The following CAPN14 variants were observed in gnomAD, a reference collection of about 807,000 sequenced individuals.
CAPN14 encodes the protein calpain-14.
CAPN14 carries 94 observed loss-of-function variants against 101.3 expected under a neutral mutation model. The ratio of observed to expected loss-of-function variants is 0.93; its 90% CI spans 0.79 to 1.10. The LOEUF (loss-of-function observed/expected upper bound fraction) is 1.10. Ranked by LOEUF, CAPN14 falls within the 50% of genes least tolerant of loss-of-function variation. The pLI is 0.00. For missense variants in CAPN14, 837 were observed against 828.4 expected (o/e 1.01, Z -0.13); for synonymous variants, 338 against 317.9 (o/e 1.06, Z -0.67).
At chr2:31,198,823 C>T (rs1681599873) in intron 7 of CAPN14, among the ~76,000 whole-genome samples, 1 of 152,174 alleles carries the variant, frequency 6.6e-6, no homozygotes, top group Admixed American at 6.5e-5. Context: ...GCCCTTCTCG[C>T]CCCGTGCAAA....
chr2:31,204,935 G>C (rs1193314972), intron 2 of CAPN14, among the ~76,000 whole-genome samples: 1 of 152,122 alleles, frequency 6.6e-6, no homozygotes, highest in African/African-American at 2.4e-5. Context: ...CTGAAGTAGG[G>C]GCAGTTTTGT....
rs1463551720 is a variant in CAPN14 at position 31,230,605 on chromosome 2, C to G, written c.-177+3186G>C. 1.3e-5 allele frequency among the ~76,000 whole-genome samples: 2 copies of G among 152,168 alleles called. No individual in the cohort carries two copies. The highest frequency in any genetic ancestry group is 4.8e-5 in the African/African-American group (2 of 41,438). On this transcript the variant is annotated intron_variant and NMD_transcript_variant, in intron 1 of 21. Transcript: ENST00000398824. This position sits in a 1 kb window ranked among gnomAD's most constrained non-coding sequence, Gnocchi z 4.3. ...CATTTCTCTAATTACTAATGAGATG[C>G]AACATGTTTTCTTGCGTTTATAGGG...
intron 1 of CAPN14, among the ~76,000 whole-genome samples, chr2:31,207,899 TG>T (rs1682186737): frequency 6.6e-6 from 1 of 152,176 alleles, no homozygotes; most frequent in Non-Finnish European, 1.5e-5. Flanking sequence ...GTTGGTGGAG[TG>T]GCCCCACTGT....
chr2:31,206,629 A>T (rs1039376915), intron 1 of CAPN14, among the ~76,000 whole-genome samples: 2 of 152,150 alleles, frequency 1.3e-5, no homozygotes, highest in African/African-American at 4.8e-5. Context: ...AAAATCACAC[A>T]CACACATATT....
chr2:31,191,585 C>A (rs572238466), intron 11 of CAPN14, among the ~76,000 whole-genome samples, 178 bp from the exon 12 acceptor site: 1 of 152,272 alleles, frequency 6.6e-6, no homozygotes, highest in African/African-American at 2.4e-5. Flanking sequence ...ACATTTTAAT[C>A]TATCATTGGA....
At chr2:31,186,084 C>T (rs535831024) in intron 16 of CAPN14, among the ~76,000 whole-genome samples, 46 of 152,200 alleles carry the variant, frequency 3.0e-4, no homozygotes, top group Non-Finnish European at 5.6e-4. Context: ...ATATTCATAT[C>T]CCAGGTTGAG....
At chr2:31,199,153 G>A (rs941479249) in intron 7 of CAPN14, among the ~76,000 whole-genome samples, 1 of 152,146 alleles carries the variant, frequency 6.6e-6, no homozygotes, top group Non-Finnish European at 1.5e-5. Context: ...AATTTGGGAG[G>A]GAAGAACCAG....
Position 31,205,346 on chromosome 2 carries a change from C to T in CAPN14, c.102G>A (p.Leu34=). Residue 34 remains leucine, a synonymous_variant, in exon 2 of 22, where the codon CTG becomes CTA. Coordinates refer to ENST00000403897, the MANE Select transcript of CAPN14 (RefSeq NM_001145122.2). ...QQPQQDFEAL[L]AECLRNGCLF... is the part of the protein sequence containing the mutation. ...GGCAGCCATTCCTCAGGCACTCTGC[C>T]AGCAGGGCCTCAAAGTCCTGTTGGG... 1 of 1,551,364 alleles carries T rather than the reference C, an allele frequency of 6.4e-7. No individual in the cohort carries two copies. The highest frequency in any genetic ancestry group is 1.2e-5 in the South Asian group (1 of 84,038).
chr2:31,201,615 C>T (rs1375208006), intron 5 of CAPN14, among the ~76,000 whole-genome samples: 1 of 152,202 alleles, frequency 6.6e-6, no homozygotes, highest in Non-Finnish European at 1.5e-5. Flanking sequence ...GAGCAAAGGA[C>T]AGAATATACA....
chr2:31,194,289 G>A, intron 9 of CAPN14, 120 bp downstream of exon 9: 2 of 702,894 alleles, frequency 2.8e-6, no homozygotes, highest in Non-Finnish European at 5.0e-6. Context: ...CTAAAGGGAT[G>A]GTGCCTTATT....
chr2:31,201,807 T>C (rs1223939423), intron 5 of CAPN14, 55 bp downstream of exon 5: 8 of 1,540,316 alleles, frequency 5.2e-6, no homozygotes, highest in Non-Finnish European at 7.0e-6. Flanking sequence ...TCCCTCAACA[T>C]TGAGAGAGAG....
chr2:31,226,568 G>A (rs1382285785), exon 2 of CAPN14: 1 of 152,226 alleles, frequency 6.6e-6, no homozygotes, highest in African/African-American at 2.4e-5. Context: ...TGGTCCTGGG[G>A]TCCTTCAGCA....
chr2:31,181,431 T>TTTCTTTCTTTCC lies in CAPN14; in HGVS notation c.1646-432_1646-431insGGAAAGAAAGAA, dbSNP rs1558612425. ...CTTTCTTTCTTTCTTTCTTTCTTTCTTTCTTTCTTTCTTTTTCTTTCTTTT... is the reference window on the plus strand; with the variant it reads ...CTTTCTTTCTTTCTTTCTTTCTTTCTTTCTTTCTTTCCTTCTTTCTTTCTTTTTCTTTCTTTT... On this transcript the variant is annotated intron_variant, in intron 16 of 21. Coordinates refer to ENST00000403897, the MANE Select transcript of CAPN14 (RefSeq NM_001145122.2). 2.9e-3 allele frequency among the ~76,000 whole-genome samples: 433 copies of TTTCTTTCTTTCC among 148,606 alleles called. 4 individuals carry two copies. The highest frequency in any genetic ancestry group is 9.9e-3 in the African/African-American group (397 of 40,084).
At chr2:31,187,567 T>A (rs1366232373) in intron 15 of CAPN14, among the ~76,000 whole-genome samples, 191 bp downstream of exon 15, 1 of 152,258 alleles carries the variant, frequency 6.6e-6, no homozygotes, top group Non-Finnish European at 1.5e-5. Flanking sequence ...AGGAGCCTTC[T>A]AGACAATGGC....
chr2:31,200,307 G>A (rs370773072), intron 6 of CAPN14, 144 bp downstream of exon 6: 2 of 692,390 alleles, frequency 2.9e-6, no homozygotes, highest in African/African-American at 3.7e-5. Flanking sequence ...ACCTGGCCTT[G>A]CTGCTCTGGT....
intron 2 of CAPN14, among the ~76,000 whole-genome samples, chr2:31,225,121 C>T (rs772603124): frequency 4.2e-4 from 63 of 151,470 alleles, no homozygotes; most frequent in African/African-American, 9.9e-4. Context: ...CAAAACAATA[C>T]GAAAAACACT....
intron 17 of CAPN14, among the ~76,000 whole-genome samples, chr2:31,179,340 G>C (rs571457190): frequency 2.0e-5 from 3 of 151,916 alleles, no homozygotes; most frequent in Admixed American, 2.0e-4. Context: ...CTCTCCTTGC[G>C]ATAGTTTGCT....
rs1380440278 is a variant in CAPN14, at chr2:31,201,883, A to AGTGC, written c.526_529dup (p.Leu177ArgfsTer15). 6.4e-7 allele frequency: 1 copy of AGTGC among 1,551,628 alleles called. No individual in the cohort carries two copies. Among genetic ancestry groups the AGTGC allele is most frequent in the Non-Finnish European group, 8.7e-7 (1 of 1,146,998 alleles). On this transcript the variant is annotated frameshift_variant, in exon 5 of 22. Transcript: ENST00000403897. LOFTEE classifies it high-confidence loss of function. ...TTACTTGGCATAGGCCTTTTCCAGA[A>AGTGC]GTGCTCCCCAGAACAAGTTCTTATA...
At chr2:31,184,163 G>A (rs1005450251) in intron 16 of CAPN14, among the ~76,000 whole-genome samples, 2 of 152,202 alleles carry the variant, frequency 1.3e-5, no homozygotes, top group African/African-American at 4.8e-5. Context: ...GATTACAGGA[G>A]TGAGCCACCG....
Sources: gnomAD v4.1 joint callset for allele counts (sites outside exome capture counted in the v4.1 genomes callset) on GRCh38, gnomAD v4.1.1 for gene constraint, Gnocchi (gnomAD v3.1) non-coding constraint, MANE v1.5 for transcripts, NCBI Gene and HGNC (gene_info 2026-07-23, HGNC 2026-07-21) for gene names.